Variants in ATXN1 observed in about 807,000 individuals in gnomAD.
The protein encoded by ATXN1 is ataxin-1.
ATXN1 carries 8 observed loss-of-function variants against 56.4 expected under a neutral mutation model. The ratio of observed to expected loss-of-function variants is 0.14; its 90% CI spans 0.08 to 0.26. The LOEUF (loss-of-function observed/expected upper bound fraction) is 0.26, where lower values mean the gene tolerates loss of function less well. Ranked by LOEUF, ATXN1 falls within the 10% of genes least tolerant of loss-of-function variation. The pLI is 1.00. For synonymous variants in ATXN1, 514 were observed against 494.6 expected, an observed-to-expected ratio of 1.04 and a Z score of -0.52; for missense variants, 987 against 1,106.5, an observed-to-expected ratio of 0.89 and a Z score of 1.53.
chr6:16,430,708 T>G (rs931503716), intron 6 of ATXN1, among the ~76,000 whole-genome samples: 1 of 146,484 alleles, frequency 6.8e-6, no homozygotes, highest in Admixed American at 6.8e-5. Context: ...GTGCTGCTGG[T>G]GTGTGTGTGT....
intron 2 of ATXN1, among the ~76,000 whole-genome samples, chr6:16,669,182 C>G (rs1397176701): frequency 6.6e-6 from 1 of 152,218 alleles, no homozygotes; most frequent in East Asian, 1.9e-4. Flanking sequence ...CAGACTGTTT[C>G]TTTACCACAT....
At position 16,565,224 on chromosome 6, in the gene ATXN1, C is replaced by T. The variant is rs74806026; in HGVS notation, c.-361+20556G>A. Among the ~76,000 whole-genome samples the T allele has an allele frequency of 9.8e-5, 15 of 152,296 alleles. No individual in the cohort carries two copies. The East Asian group carries it at 2.9e-3, about 29-fold the overall frequency. On this transcript the variant is annotated intron_variant, in intron 4 of 7. Coordinates refer to ENST00000436367, the MANE Select transcript of ATXN1 (RefSeq NM_001128164.2). ...TTTATGAAAAAGAATAAGGGGGCTACTCTGGAGTACTGTGAGTTTTTTCTG... is the reference window on the plus strand; with the variant it reads ...TTTATGAAAAAGAATAAGGGGGCTATTCTGGAGTACTGTGAGTTTTTTCTG...
At chr6:16,694,885 C>A (rs1215059044) in intron 2 of ATXN1, among the ~76,000 whole-genome samples, 1 of 152,188 alleles carries the variant, frequency 6.6e-6, no homozygotes, top group Non-Finnish European at 1.5e-5. Flanking sequence ...CTAGGGTTAA[C>A]TTCCCTCCTG....
intron 2 of ATXN1, among the ~76,000 whole-genome samples, chr6:16,712,684 G>A (rs1759551689): frequency 6.6e-6 from 1 of 151,214 alleles, no homozygotes; most frequent in Admixed American, 6.6e-5. Flanking sequence ...CTGAGTAAAG[G>A]CAGGGACCTG....
Position 16,460,864 on chromosome 6 carries a change from C to A in ATXN1, c.-161+25108G>T, listed in dbSNP as rs558484138. On this transcript the variant is annotated intron_variant, in intron 6 of 7. Coordinates refer to ENST00000436367, the MANE Select transcript of ATXN1 (RefSeq NM_001128164.2). ...GCCTAGTTAGCAGAACTTACCCAAGCCTTAGAACCGGGAAAGGAAAAAAGA... is the reference window on the plus strand; with the variant it reads ...GCCTAGTTAGCAGAACTTACCCAAGACTTAGAACCGGGAAAGGAAAAAAGA... 2.6e-5 allele frequency among the ~76,000 whole-genome samples: 4 copies of A among 152,280 alleles called. No homozygotes were observed. The East Asian group carries it at 7.7e-4, about 29-fold the overall frequency.
chr6:16,635,032 T>C (rs145411761), intron 3 of ATXN1, among the ~76,000 whole-genome samples: 219 of 152,294 alleles, frequency 1.4e-3, no homozygotes, highest in African/African-American at 4.9e-3. Context: ...AGTAGGCGAA[T>C]GAGCAAAGCT....
chr6:16,595,970 C>T (rs554449195), intron 3 of ATXN1, among the ~76,000 whole-genome samples: 37 of 152,252 alleles, frequency 2.4e-4, no homozygotes, highest in Admixed American at 9.2e-4. Context: ...TTTCCTTCTT[C>T]GTCAAGGAAG....
In ATXN1 at chr6:16,600,066, C is replaced by A. The variant is rs571177134; in HGVS notation, c.-488-14159G>T. The stretch of plus-strand genomic sequence containing the variant: ...ACAGCTGCCATTATATAATTCTTGG[C>A]CATTGTTTTTTATTTAATAATTAAG... On this transcript the variant is annotated intron_variant, in intron 3 of 7. Transcript: ENST00000436367. Among the ~76,000 whole-genome samples, 15 of 152,264 alleles carry A rather than the reference C, an allele frequency of 9.9e-5. No homozygotes were observed. The South Asian group carries it at 1.2e-3, about 13-fold the overall frequency.
chr6:16,531,984 G>T (rs1761513924), intron 4 of ATXN1, among the ~76,000 whole-genome samples: 1 of 152,174 alleles, frequency 6.6e-6, no homozygotes, highest in Admixed American at 6.5e-5. Context: ...GGACCAGGGA[G>T]CAAATGCTTT....
In ATXN1 at chr6:16,410,388, A is replaced by T. The variant is rs1758772424; in HGVS notation, c.-161+75584T>A. On this transcript the variant is annotated intron_variant, in intron 6 of 7. Transcript: ENST00000436367. The surrounding 1 kb of genome is among the most constrained non-coding windows in gnomAD (Gnocchi z 4.6). ...AGAGAACCTGAAATGAACAGTGAAG[A>T]CTAAATCTGACTTACAAAGGTGAGG... Among the ~76,000 whole-genome samples, 1 of 152,226 alleles carries T rather than the reference A, an allele frequency of 6.6e-6. No homozygotes were observed.
At chr6:16,476,943 T>G (rs149822883) in intron 6 of ATXN1, among the ~76,000 whole-genome samples, 1 of 152,348 alleles carries the variant, frequency 6.6e-6, no homozygotes, top group East Asian at 1.9e-4. Flanking sequence ...CATGCAATTA[T>G]CTCGACTTGA....
intron 6 of ATXN1, among the ~76,000 whole-genome samples, chr6:16,393,903 CTTT>C (rs367640759): frequency 1.6e-5 from 2 of 127,578 alleles, no homozygotes; most frequent in Non-Finnish European, 1.6e-5. Context: ...ATGGAATCAC[CTTT>C]TTTTTTTTTT....
chr6:16,716,709 T>C (rs969440224), intron 2 of ATXN1, among the ~76,000 whole-genome samples: 15 of 152,234 alleles, frequency 9.9e-5, no homozygotes, highest in Non-Finnish European at 1.9e-4. Flanking sequence ...ATGACTCAAA[T>C]CAAATTCTGC....
At chr6:16,435,124 G>A (rs1027751100) in intron 6 of ATXN1, among the ~76,000 whole-genome samples, 1 of 152,206 alleles carries the variant, frequency 6.6e-6, no homozygotes, top group Non-Finnish European at 1.5e-5. Flanking sequence ...TGATGCCAAT[G>A]GCTGAGATGG....
intron 2 of ATXN1, among the ~76,000 whole-genome samples, chr6:16,721,452 C>A (rs1250102828): frequency 6.6e-6 from 1 of 152,078 alleles, no homozygotes; most frequent in Non-Finnish European, 1.5e-5. Flanking sequence ...CATAGTGAGA[C>A]CTCGTCTCTA....
In ATXN1 at chr6:16,662,969, A is replaced by ATTTT. The variant is rs57242101; in HGVS notation, c.-614-5072_-614-5069dup. Among the ~76,000 whole-genome samples the ATTTT allele has an allele frequency of 1.5e-5, 2 of 129,602 alleles. 1 individual carries two copies. The highest frequency in any genetic ancestry group is 3.2e-5 in the Non-Finnish European group (2 of 62,862). The allele number at this position is 129,602 out of a possible 152,430, so 85.0% of individuals were successfully genotyped here. On this transcript the variant is annotated intron_variant, in intron 2 of 7. Coordinates refer to ENST00000436367, the MANE Select transcript of ATXN1 (RefSeq NM_001128164.2). ...GATAGCCACAGTATTTTCTGTTTGG[A>ATTTT]TTTTTTTTTTTTTTTTTTTTGAAAT...
Position 16,602,914 on chromosome 6 carries a change from C to T in ATXN1, c.-488-17007G>A, listed in dbSNP as rs1171027960. Among the ~76,000 whole-genome samples the T allele has an allele frequency of 1.3e-5, 2 of 152,018 alleles. 1 individual carries two copies. Among genetic ancestry groups the T allele is most frequent in the Middle Eastern group, 6.3e-3 (2 of 316 alleles). The stretch of plus-strand genomic sequence containing the variant: ...ATGGACAGGCTATGTAACTGAGCTT[C>T]GGCTACTCATTTACAAAACAGGAAT... On this transcript the variant is annotated intron_variant, in intron 3 of 7. Transcript: ENST00000436367.
chr6:16,449,729 A>G (rs1311522942), intron 6 of ATXN1, among the ~76,000 whole-genome samples: 4 of 152,222 alleles, frequency 2.6e-5, no homozygotes, highest in African/African-American at 9.6e-5. Flanking sequence ...TAAGTGGATA[A>G]GTTTAAAGGA....
chr6:16,338,008 T>C (rs1761162037), intron 6 of ATXN1, among the ~76,000 whole-genome samples: 1 of 152,222 alleles, frequency 6.6e-6, no homozygotes. Flanking sequence ...TCACATCCAC[T>C]GTCCTATTTA....
Sources: gnomAD v4.1 joint callset for allele counts (sites outside exome capture counted in the v4.1 genomes callset) on GRCh38, gnomAD v4.1.1 for gene constraint, Gnocchi (gnomAD v3.1) non-coding constraint, MANE v1.5 for transcripts, NCBI Gene and HGNC (gene_info 2026-07-23, HGNC 2026-07-21) for gene names.